Variants in GAPVD1 observed in about 807,000 individuals in gnomAD.
The protein encoded by GAPVD1 is GTPase activating protein and VPS9 domains 1.
Under a neutral mutation model 155.5 loss-of-function variants are expected in GAPVD1, and 35 were observed. That is an observed-to-expected ratio of 0.23 (90% CI 0.17 to 0.30). The LOEUF is 0.30. GAPVD1 is among the 10% of genes least tolerant of loss of function. GAPVD1 has a pLI of 1.00. For missense variants in GAPVD1, 1,429 were observed against 1,775.7 expected, an observed-to-expected ratio of 0.80 and a Z score of 3.51; for synonymous variants, 636 against 619.7, an observed-to-expected ratio of 1.03 and a Z score of -0.39.
chr9:125,352,278 C>T (rs934687576), intron 23 of GAPVD1, among the ~76,000 whole-genome samples: 1 of 152,232 alleles, frequency 6.6e-6, no homozygotes, highest in Non-Finnish European at 1.5e-5. Flanking sequence ...TTCCTTTCCG[C>T]ACTGCCCTTG....
intron 19 of GAPVD1, among the ~76,000 whole-genome samples, chr9:125,345,163 T>C (rs1005399600): frequency 1.3e-5 from 2 of 152,074 alleles, no homozygotes; most frequent in Admixed American, 1.3e-4. Context: ...GTGTTTTCTT[T>C]TTCTTTTCTC....
At chr9:125,362,145 T>TAAA (rs953812866) in intron 27 of GAPVD1, among the ~76,000 whole-genome samples, 1 of 152,088 alleles carries the variant, frequency 6.6e-6, no homozygotes, top group Non-Finnish European at 1.5e-5. Flanking sequence ...ATGAAAAAGG[T>TAAA]AAAAAAAATT....
intron 2 of GAPVD1, among the ~76,000 whole-genome samples, chr9:125,273,794 G>A (rs973753040): frequency 1.3e-5 from 2 of 151,856 alleles, no homozygotes; most frequent in East Asian, 3.9e-4. Flanking sequence ...TGGCCTCCAC[G>A]GTGCAACAAG....
intron 2 of GAPVD1, among the ~76,000 whole-genome samples, chr9:125,289,203 G>T (rs1838209420): frequency 6.6e-6 from 1 of 152,176 alleles, no homozygotes; most frequent in Non-Finnish European, 1.5e-5. Flanking sequence ...AGGAGGTGAG[G>T]TAGGAGAGGT....
rs531634247 is a variant in GAPVD1 at position 125,347,357 on chromosome 9, A to T, written c.3169+416A>T. Reference sequence around the variant, plus strand: ...TATTTTAAAGGATTCTGTTTTCCTCATAATAGAATACTGAATAGCTTTCAG... The same window carrying T: ...TATTTTAAAGGATTCTGTTTTCCTCTTAATAGAATACTGAATAGCTTTCAG... On this transcript the variant is annotated intron_variant, in intron 20 of 27. Coordinates refer to ENST00000297933, the MANE Select transcript of GAPVD1 (RefSeq NM_001282680.3). Among the ~76,000 whole-genome samples, 8 of 152,344 alleles carry T rather than the reference A, an allele frequency of 5.3e-5. No homozygotes were observed. The East Asian group carries it at 7.7e-4, about 15-fold the overall frequency.
intron 20 of GAPVD1, among the ~76,000 whole-genome samples, chr9:125,348,961 T>C (rs1290152516): frequency 1.3e-5 from 2 of 152,220 alleles, no homozygotes; most frequent in Non-Finnish European, 2.9e-5. Flanking sequence ...TAGTCAACCT[T>C]GGCCATTGGC....
chr9:125,278,672 A>G (rs1397820059), intron 2 of GAPVD1, among the ~76,000 whole-genome samples: 1 of 151,594 alleles, frequency 6.6e-6, no homozygotes, highest in Non-Finnish European at 1.5e-5. Flanking sequence ...TCATCTCTAC[A>G]CAAAATACAA....
At chr9:125,293,709 A>ATTT (rs200597430) in intron 2 of GAPVD1, among the ~76,000 whole-genome samples, 1 of 63,966 alleles carries the variant, frequency 1.6e-5, no homozygotes, top group Non-Finnish European at 3.1e-5. Context: ...TTAAATATAT[A>ATTT]TTTTTATATT....
At chr9:125,311,313 G>T (rs1040207607) in intron 8 of GAPVD1, among the ~76,000 whole-genome samples, 4 of 152,026 alleles carry the variant, frequency 2.6e-5, no homozygotes, top group African/African-American at 9.7e-5. Flanking sequence ...TTTCAGGGGG[G>T]GAAGGTACAT....
chr9:125,326,785 A>G (rs1285830003), intron 12 of GAPVD1, among the ~76,000 whole-genome samples, 196 bp downstream of exon 12: 1 of 151,624 alleles, frequency 6.6e-6, no homozygotes, highest in South Asian at 2.1e-4. Flanking sequence ...TTTCCTTTCT[A>G]CATTTAATCC....
At chr9:125,330,052 C>T in intron 12 of GAPVD1, 26 bp from the exon 13 acceptor site, 1 of 1,567,104 alleles carries the variant, frequency 6.4e-7, no homozygotes, top group Non-Finnish European at 8.6e-7. Context: ...TCTTTGTTAA[C>T]CCTTTGCTTC....
intron 1 of GAPVD1, among the ~76,000 whole-genome samples, chr9:125,265,789 A>G: frequency 6.8e-6 from 1 of 147,862 alleles, no homozygotes; most frequent in Non-Finnish European, 1.5e-5. Context: ...ACTACTGGCC[A>G]GGCGTGGTAG....
At chr9:125,264,117 C>G (rs548038020) in intron 1 of GAPVD1, 10 of 728,970 alleles carry the variant, frequency 1.4e-5, no homozygotes, top group Admixed American at 9.9e-5. Context: ...TCATTGAAGG[C>G]AGACAGGATG....
intron 19 of GAPVD1, among the ~76,000 whole-genome samples, chr9:125,345,022 A>G (rs993274768): frequency 6.6e-6 from 1 of 152,158 alleles, no homozygotes; most frequent in Non-Finnish European, 1.5e-5. Context: ...AATTGGTTCC[A>G]GGACTCTTGC....
At chr9:125,288,728 G>A (rs902907182) in intron 2 of GAPVD1, among the ~76,000 whole-genome samples, 1 of 152,102 alleles carries the variant, frequency 6.6e-6, no homozygotes, top group Non-Finnish European at 1.5e-5. Context: ...GATGTGCCAG[G>A]CTCTCTTATG....
intron 6 of GAPVD1, among the ~76,000 whole-genome samples, chr9:125,306,398 A>G (rs913797278): frequency 1.3e-5 from 2 of 152,182 alleles, no homozygotes; most frequent in African/African-American, 4.8e-5. Flanking sequence ...GCAAATTCCT[A>G]CGTACACTAT....
At chr9:125,332,699 T>C in intron 15 of GAPVD1, 70 bp downstream of exon 15, 2 of 1,289,178 alleles carry the variant, frequency 1.6e-6, no homozygotes, top group East Asian at 2.3e-5. Context: ...CTGTGACACA[T>C]TGCTGGTGAC....
chr9:125,339,176 T>C (rs533730776), intron 17 of GAPVD1, among the ~76,000 whole-genome samples: 62 of 152,116 alleles, frequency 4.1e-4, no homozygotes, highest in Non-Finnish European at 7.9e-4. Flanking sequence ...TTTGTAGAGA[T>C]GGGGACTCAC....
intron 27 of GAPVD1, among the ~76,000 whole-genome samples, chr9:125,362,231 T>C (rs141206894): frequency 7.3e-4 from 111 of 152,368 alleles, no homozygotes; most frequent in African/African-American, 2.6e-3. Context: ...CAGCTTATTC[T>C]CCCTGGACTT....
Sources: gnomAD v4.1 joint callset for allele counts (sites outside exome capture counted in the v4.1 genomes callset) on GRCh38, gnomAD v4.1.1 for gene constraint, MANE v1.5 for transcripts, NCBI Gene and HGNC (gene_info 2026-07-23, HGNC 2026-07-21) for gene names.